Variants in ZNF343 observed in about 807,000 individuals in gnomAD.
The protein encoded by ZNF343 is zinc finger protein 343.
In ZNF343, 11 loss-of-function variants were observed where a neutral mutation model predicts 13.8. That is an observed-to-expected ratio of 0.80 (90% CI 0.50 to 1.32). ZNF343 has a LOEUF of 1.32. ZNF343 is among the 40% of genes most tolerant of loss of function. ZNF343 has a pLI of 0.00. For synonymous variants in ZNF343, 248 were observed against 260.0 expected (o/e 0.95, Z 0.44); for missense variants, 658 against 714.2 (o/e 0.92, Z 0.90).
intron 5 of ZNF343, among the ~76,000 whole-genome samples, chr20:2,488,515 T>C (rs1289851010): frequency 1.3e-5 from 2 of 152,130 alleles, no homozygotes; most frequent in East Asian, 3.9e-4. Context: ...CTTTATTTTC[T>C]CCTTGCAGCT....
At chr20:2,500,565 G>A (rs1285289857) in intron 2 of ZNF343, 91 bp downstream of exon 2, 1 of 152,248 alleles carries the variant, frequency 6.6e-6, no homozygotes, top group African/African-American at 2.4e-5. Context: ...GAACACTTCA[G>A]GGTACAAGAT....
At position 2,482,782 on chromosome 20, in the gene ZNF343, T is replaced by C. The variant is rs112872483; in HGVS notation, c.*379A>G. 167 of 215,922 alleles carry C rather than the reference T, an allele frequency of 7.7e-4. 2 individuals are homozygous for C. The highest frequency in any genetic ancestry group is 3.6e-3 in the African/African-American group (158 of 43,908). 13.4% of individuals were successfully genotyped at this position (215,922 alleles called of 1,614,324 possible). On this transcript the variant is annotated 3_prime_UTR_variant, in exon 6 of 6. Coordinates refer to ENST00000278772, the MANE Select transcript of ZNF343 (RefSeq NM_024325.6). ...TCCTGAGGGCCACTCTGTGCCTGAG[T>C]GTCCATTCTTTTACTGATGCTCCCC...
intron 1 of ZNF343, among the ~76,000 whole-genome samples, chr20:2,501,382 G>T (rs905847382): frequency 6.6e-6 from 1 of 152,320 alleles, no homozygotes; most frequent in Non-Finnish European, 1.5e-5. Flanking sequence ...CTCCACCTCT[G>T]GGGGCAGGGC....
At chr20:2,508,955 G>C (rs560303450), upstream of ZNF343, 1 of 152,374 alleles carries the variant, frequency 6.6e-6, no homozygotes, top group Admixed American at 6.5e-5. This position sits in a 1 kb window ranked among gnomAD's most constrained non-coding sequence, Gnocchi z 4.5. Flanking sequence ...CGCAGGCTTC[G>C]GCTCCCATTG....
intron 1 of ZNF343, among the ~76,000 whole-genome samples, chr20:2,522,403 T>A (rs1184692046): frequency 2.0e-5 from 3 of 152,176 alleles, no homozygotes; most frequent in Non-Finnish European, 1.5e-5. Flanking sequence ...TATTTCAACA[T>A]AATAAGGTAC....
At chr20:2,513,026 G>A (rs1568492863), upstream of ZNF343, among the ~76,000 whole-genome samples, 1 of 152,038 alleles carries the variant, frequency 6.6e-6, no homozygotes, top group Non-Finnish European at 1.5e-5. Context: ...CTTGAGCCTG[G>A]GAGTTCCAAG....
At chr20:2,514,281 G>A (rs1028911525) in intron 1 of ZNF343, among the ~76,000 whole-genome samples, 1 of 152,098 alleles carries the variant, frequency 6.6e-6, no homozygotes, top group African/African-American at 2.4e-5. Flanking sequence ...ACCTTTATAT[G>A]AGCTAAAAGC....
chr20:2,516,879 G>C (rs554549106), intron 1 of ZNF343, among the ~76,000 whole-genome samples: 4 of 152,220 alleles, frequency 2.6e-5, no homozygotes, highest in Admixed American at 2.6e-4. Flanking sequence ...GTGAGGTTCA[G>C]GGTCAAGGAG....
Position 2,484,401 on chromosome 20 carries a change from C to G in ZNF343, c.560G>C (p.Arg187Thr), listed in dbSNP as rs1297889036. ...SKPWSARTEE[R>T]ETSRAFPSPL... The stretch of plus-strand genomic sequence containing the variant: ...GCTGGGGAATGCCCTTGAGGTTTCT[C>G]TCTCCTCTGTCCTTGCAGACCAGGG... The change falls in exon 6 of 6, where the codon AGA becomes ACA. Residue 187 changes from arginine (R) to threonine (T), a missense_variant. Physicochemically the swap from Arg to Thr is moderately conservative, Grantham distance 71 (BLOSUM62 -1). Coordinates refer to ENST00000278772, the MANE Select transcript of ZNF343 (RefSeq NM_024325.6). 3.1e-6 allele frequency: 5 copies of G among 1,614,086 alleles called. No individual in the cohort carries two copies. Among genetic ancestry groups the G allele is most frequent in the Non-Finnish European group, 4.2e-6 (5 of 1,180,046 alleles).
At chr20:2,489,492 G>A (rs2085332458) in intron 5 of ZNF343, among the ~76,000 whole-genome samples, 1 of 152,176 alleles carries the variant, frequency 6.6e-6, no homozygotes, top group Non-Finnish European at 1.5e-5. Context: ...GGCCAATGAA[G>A]GTTAGTGGGA....
At chr20:2,513,582 A>G (rs1333056111), upstream of ZNF343, among the ~76,000 whole-genome samples, 1 of 152,228 alleles carries the variant, frequency 6.6e-6, no homozygotes, top group African/African-American at 2.4e-5. Flanking sequence ...TGGTTCCTTA[A>G]TAAGTTAAAC....
At chr20:2,491,646 A>C (rs1377714269) in intron 5 of ZNF343, among the ~76,000 whole-genome samples, 1 of 152,028 alleles carries the variant, frequency 6.6e-6, no homozygotes, top group East Asian at 1.9e-4. Flanking sequence ...AGTGTCTATA[A>C]AGAAAGTTTT....
At chr20:2,513,403 A>C (rs535694053), upstream of ZNF343, among the ~76,000 whole-genome samples, 4 of 152,354 alleles carry the variant, frequency 2.6e-5, no homozygotes, top group East Asian at 7.7e-4. Context: ...AACACAAACT[A>C]AAACCATAAT....
chr20:2,491,527 G>A (rs895775475), intron 5 of ZNF343, among the ~76,000 whole-genome samples: 8 of 152,098 alleles, frequency 5.3e-5, no homozygotes, highest in African/African-American at 1.9e-4. Context: ...CTCTGTTTTT[G>A]TATCACCTAC....
rs113524888 is a variant in ZNF343 at position 2,498,100 on chromosome 20, G to T, written c.-150+2556C>A. Among the ~76,000 whole-genome samples, 1,164 of 152,090 alleles carry T rather than the reference G, an allele frequency of 7.7e-3. 12 individuals are homozygous for T. Among genetic ancestry groups the T allele is most frequent in the African/African-American group, 0.027 (1,104 of 41,490 alleles). The stretch of plus-strand genomic sequence containing the variant: ...GGCCAGGCGTGGTGGCTCATGCCTG[G>T]AATCCCAGCATTTTGGGAGGCTGAG... On this transcript the variant is annotated intron_variant, in intron 2 of 5. Coordinates refer to ENST00000278772, the MANE Select transcript of ZNF343 (RefSeq NM_024325.6).
At chr20:2,496,624 A>G (rs2085463272) in intron 2 of ZNF343, among the ~76,000 whole-genome samples, 1 of 152,174 alleles carries the variant, frequency 6.6e-6, no homozygotes, top group Admixed American at 6.5e-5. Flanking sequence ...AAGGCTGTTG[A>G]AATAATTCAG....
At chr20:2,521,570 G>A (rs932960589) in intron 1 of ZNF343, among the ~76,000 whole-genome samples, 5 of 152,216 alleles carry the variant, frequency 3.3e-5, no homozygotes, top group Non-Finnish European at 7.3e-5. Flanking sequence ...AGACTCAGGT[G>A]TGGGTAGTGG....
intron 5 of ZNF343, among the ~76,000 whole-genome samples, chr20:2,490,663 G>C (rs1277318456): frequency 6.6e-6 from 1 of 151,532 alleles, no homozygotes; most frequent in African/African-American, 2.4e-5. Context: ...TCAGCCTCCT[G>C]AGTAGCTGGG....
chr20:2,517,465 G>A (rs903647308), intron 1 of ZNF343, among the ~76,000 whole-genome samples: 2 of 151,376 alleles, frequency 1.3e-5, no homozygotes, highest in Non-Finnish European at 2.9e-5. Context: ...AGTCCAAAGG[G>A]GCAGCCTGCT....
Sources: gnomAD v4.1 joint callset for allele counts (sites outside exome capture counted in the v4.1 genomes callset) on GRCh38, gnomAD v4.1.1 for gene constraint, Gnocchi (gnomAD v3.1) non-coding constraint, MANE v1.5 for transcripts, NCBI Gene and HGNC (gene_info 2026-07-23, HGNC 2026-07-21) for gene names.